The following PROM1 variants were observed in gnomAD, a reference collection of about 807,000 sequenced individuals.
The protein encoded by PROM1 is prominin 1.
In PROM1, 105 loss-of-function variants were observed where a neutral mutation model predicts 116.9. The ratio of observed to expected loss-of-function variants is 0.90; its 90% confidence interval spans 0.77 to 1.06. The LOEUF (loss-of-function observed/expected upper bound fraction) is 1.06, where lower values mean the gene tolerates loss of function less well. Among genes scored for constraint, PROM1 ranks in the 50% least tolerant of loss-of-function variants. PROM1 has a pLI of 0.00. For missense variants in PROM1, 1,122 were observed against 1,045.2 expected (o/e 1.07, Z -1.01); for synonymous variants, 393 against 387.0 (o/e 1.02, Z -0.18).
intron 5 of PROM1, among the ~76,000 whole-genome samples, chr4:16,026,489 A>G (rs1731323092): frequency 6.6e-6 from 1 of 152,204 alleles, no homozygotes; most frequent in African/African-American, 2.4e-5. Flanking sequence ...TTTGCAAATA[A>G]TAGGCAAACT....
rs181261277 is a variant in PROM1 at position 15,998,494 on chromosome 4, A to G, written c.1579-6T>C. 3.1e-4 allele frequency: 496 copies of G among 1,591,428 alleles called. 2 individuals are homozygous for G. The African/African-American group carries it at 6.0e-3, about 19-fold the overall frequency. On this transcript the variant is annotated splice_polypyrimidine_tract_variant and splice_region_variant and intron_variant, in intron 14 of 27. Coordinates refer to ENST00000447510, the MANE Select transcript of PROM1 (RefSeq NM_006017.3). ...AAGTAGGGTGTATCCAAAACCTAGA[A>G]CACATTAGGAAGTATTTTCGAAAAA... is the stretch of plus-strand genomic sequence containing the variant.
In PROM1 at chr4:16,016,233, G is replaced by C. The variant is rs1256568723; in HGVS notation, c.1010C>G (p.Pro337Arg). Residue 337 changes from proline to arginine, a missense_variant, in exon 10 of 28, where the codon CCC becomes CGC. Transcript: ENST00000447510. The part of the protein sequence containing the change: ...NSNPELRQLP[P>R]VDAELDNVNN... ...AACGTTGTCAAGTTCTGCATCCACGGGTGGAAGCTGAAAATTTATAAAACA... is the reference window on the plus strand; with the variant it reads ...AACGTTGTCAAGTTCTGCATCCACGCGTGGAAGCTGAAAATTTATAAAACA... The C allele has an allele frequency of 2.6e-6, 4 of 1,548,744 alleles. No homozygotes were observed. In the African/African-American group the frequency reaches 5.5e-5, roughly 21 times the overall value.
rs536161084 is a variant in PROM1 at position 16,023,404 on chromosome 4, C to T, written c.706G>A (p.Val236Met). ...CGGTCAAGAATTCCGCCTCCTAGCA[C>T]TGAATTGATACCTACATGCAAATAA... The part of the protein sequence containing the change: ...AFTDLNSINS[V>M]LGGGILDRLR... Residue 236 changes from valine (V) to methionine (M), a missense_variant, in exon 8 of 28, where the codon GTG (valine) becomes ATG (methionine). Val to Met is a conservative substitution (Grantham distance 21). Transcript: ENST00000447510. The T allele has an allele frequency of 6.1e-5, 98 of 1,600,006 alleles. No individual in the cohort carries two copies. In the East Asian group the frequency reaches 2.1e-3, roughly 35 times the overall value.
intron 22 of PROM1, chr4:15,985,533 A>C (rs1332147815): frequency 2.0e-6 from 1 of 499,222 alleles, no homozygotes; most frequent in East Asian, 3.7e-5. Context: ...GTGGGAAGCA[A>C]ATGGAAGAAC....
intron 2 of PROM1, among the ~76,000 whole-genome samples, chr4:16,045,643 C>CT (rs969400934): frequency 6.6e-6 from 1 of 152,058 alleles, no homozygotes; most frequent in African/African-American, 2.4e-5. Flanking sequence ...CAAAACAAAA[C>CT]TTTTTTTTCA....
chr4:16,057,410 T>C (rs1201672045), intron 2 of PROM1, among the ~76,000 whole-genome samples: 1 of 152,232 alleles, frequency 6.6e-6, no homozygotes, highest in Non-Finnish European at 1.5e-5. Flanking sequence ...GATTGAAACA[T>C]TTCAAATCAT....
At chr4:16,048,528 G>C (rs534166377) in intron 2 of PROM1, among the ~76,000 whole-genome samples, 1 of 151,972 alleles carries the variant, frequency 6.6e-6, no homozygotes, top group African/African-American at 2.4e-5. Flanking sequence ...ATGTATCCCC[G>C]GTGCCTCCAC....
chr4:15,973,316 G>A (rs1715139294), intron 26 of PROM1, among the ~76,000 whole-genome samples: 1 of 152,156 alleles, frequency 6.6e-6, no homozygotes, highest in East Asian at 1.9e-4. Context: ...GCACGGTGGT[G>A]TGTGCCTGTA....
At chr4:16,036,937 C>T (rs1041294317) in intron 3 of PROM1, among the ~76,000 whole-genome samples, 4 of 152,154 alleles carry the variant, frequency 2.6e-5, no homozygotes, top group Non-Finnish European at 5.9e-5. Flanking sequence ...ATCTTCTCTC[C>T]ACTGCACCCC....
Position 15,987,658 on chromosome 4 carries a change from C to T in PROM1, c.2130+5G>A, listed in dbSNP as rs1719802234. ...CCCATGACAGAAAACAAAGTAAACC[C>T]TTACCAACAATCCATTCCCTGTGCG... is the stretch of plus-strand genomic sequence containing the variant. On this transcript the variant is annotated splice_donor_5th_base_variant and intron_variant, in intron 20 of 27. Transcript: ENST00000447510. 1.9e-6 allele frequency: 3 copies of T among 1,609,644 alleles called. No homozygotes were observed. The highest frequency in any genetic ancestry group is 2.5e-6 in the Non-Finnish European group (3 of 1,178,028).
intron 5 of PROM1, among the ~76,000 whole-genome samples, chr4:16,026,258 C>A (rs1731241741): frequency 6.6e-6 from 1 of 151,954 alleles, no homozygotes; most frequent in Non-Finnish European, 1.5e-5. Flanking sequence ...TACTAATAAT[C>A]CTTTGACTTA....
At chr4:15,989,627 G>T in intron 19 of PROM1, 105 bp downstream of exon 19, 3 of 954,274 alleles carry the variant, frequency 3.1e-6, no homozygotes, top group South Asian at 2.8e-5. Flanking sequence ...AGTCAGCTGG[G>T]ACCTATGAGA....
chr4:16,049,337 G>C (rs1191564264), intron 2 of PROM1, among the ~76,000 whole-genome samples: 1 of 152,194 alleles, frequency 6.6e-6, no homozygotes, highest in African/African-American at 2.4e-5. Flanking sequence ...GTTCTACATG[G>C]AAAAAGGCTC....
At chr4:16,026,330 TGCCAA>T (rs755518193) in intron 5 of PROM1, among the ~76,000 whole-genome samples, 1 of 152,140 alleles carries the variant, frequency 6.6e-6, no homozygotes, top group South Asian at 2.1e-4. Flanking sequence ...AGGTGCTAAT[TGCCAA>T]GGTTCTGTTG....
chr4:15,979,711 C>T (rs2149034173), intron 25 of PROM1, among the ~76,000 whole-genome samples, 170 bp downstream of exon 25: 1 of 152,286 alleles, frequency 6.6e-6, no homozygotes, highest in East Asian at 1.9e-4. Flanking sequence ...TGAGCACCCT[C>T]TATGTGCCAA....
At chr4:16,009,995 A>AAAAC (rs970974215) in intron 11 of PROM1, among the ~76,000 whole-genome samples, 3 of 152,064 alleles carry the variant, frequency 2.0e-5, no homozygotes, top group Non-Finnish European at 4.4e-5. Flanking sequence ...GCCCATTTAA[A>AAAAC]AAACAAACAA....
At chr4:16,048,105 C>T (rs1736954975) in intron 2 of PROM1, among the ~76,000 whole-genome samples, 1 of 152,150 alleles carries the variant, frequency 6.6e-6, no homozygotes, top group Non-Finnish European at 1.5e-5. Context: ...TTCCAGCACT[C>T]CCATTTGGTT....
intron 2 of PROM1, among the ~76,000 whole-genome samples, chr4:16,048,020 T>C (rs1198574467): frequency 1.3e-5 from 2 of 152,146 alleles, no homozygotes; most frequent in African/African-American, 4.8e-5. Context: ...CCATGGAAAA[T>C]ACTAGAGCCA....
At chr4:15,986,473 C>T (rs940475251) in intron 20 of PROM1, among the ~76,000 whole-genome samples, 3 of 152,134 alleles carry the variant, frequency 2.0e-5, no homozygotes, top group African/African-American at 7.2e-5. Context: ...GACGAGTCCT[C>T]TGCCAACCCA....
Sources: allele counts gnomAD v4.1 joint callset (sites outside exome capture counted in the v4.1 genomes callset), GRCh38; gene constraint gnomAD v4.1.1; transcripts MANE v1.5; gene names NCBI Gene and HGNC (gene_info 2026-07-23, HGNC 2026-07-21).